SYT9: variants seen among roughly 807,000 people sequenced by gnomAD.
The protein encoded by SYT9 is synaptotagmin 9, also known as synaptotagmin-9.
SYT9 carries 22 observed loss-of-function variants against 48.4 expected under a neutral mutation model. The observed-to-expected ratio is 0.45, with a 90% CI of 0.32 to 0.65. SYT9 has a LOEUF of 0.65. SYT9 is among the 30% of genes least tolerant of loss of function. SYT9 has a pLI of 0.03. For missense variants in SYT9, 577 were observed against 622.0 expected (o/e 0.93, Z 0.77); for synonymous variants, 265 against 245.0 (o/e 1.08, Z -0.76).
intron 3 of SYT9, among the ~76,000 whole-genome samples, chr11:7,408,705 A>G (rs1026627023): frequency 6.6e-6 from 1 of 152,230 alleles, no homozygotes; most frequent in Non-Finnish European, 1.5e-5. Flanking sequence ...TACTAAATTT[A>G]TCAAATCTAA....
At chr11:7,451,968 AG>A (rs1848060890) in intron 6 of SYT9, among the ~76,000 whole-genome samples, 1 of 152,204 alleles carries the variant, frequency 6.6e-6, no homozygotes. Flanking sequence ...CCAACTCTAG[AG>A]AAAGAGATAG....
intron 3 of SYT9, among the ~76,000 whole-genome samples, chr11:7,383,431 G>A (rs1482878709): frequency 6.6e-6 from 1 of 152,178 alleles, no homozygotes; most frequent in African/African-American, 2.4e-5. Context: ...ACCCCAGGAA[G>A]CTGGGCTACT....
chr11:7,416,381 G>T (rs367999818), intron 4 of SYT9, among the ~76,000 whole-genome samples: 5 of 152,082 alleles, frequency 3.3e-5, no homozygotes, highest in Non-Finnish European at 5.9e-5. Flanking sequence ...CTGGCTCACC[G>T]GGCTGTTGTA....
At chr11:7,440,134 C>T (rs1190154792) in intron 6 of SYT9, 1 of 152,256 alleles carries the variant, frequency 6.6e-6, no homozygotes, top group Admixed American at 6.5e-5. Context: ...CACCAGAACA[C>T]GTATGGACTT....
intron 3 of SYT9, among the ~76,000 whole-genome samples, chr11:7,412,968 G>A (rs1847167214): frequency 6.6e-6 from 1 of 152,202 alleles, no homozygotes; most frequent in South Asian, 2.1e-4. Context: ...CTCAAGTACT[G>A]AGAAGACAGG....
chr11:7,313,403 C>A lies in SYT9; in HGVS notation c.506C>A (p.Ser169Ter). ...TEPTSSARHNSIRRQLNLSNP... is the reference protein window; with the variant it reads ...TEPTSSARHN ...GTTGCTCTTCATTCAAGGCATAATT[C>A]AATCCGAAGACAACTCAACTTGTCA... The change falls in exon 3 of 7, where the codon TCA becomes TAA. Residue 169 changes from serine to a stop codon, truncating the protein, a stop_gained. Coordinates refer to ENST00000318881, the MANE Select transcript of SYT9 (RefSeq NM_175733.4). LOFTEE classifies it high-confidence loss of function. 1.2e-6 allele frequency: 2 copies of A among 1,608,770 alleles called. No homozygotes were observed. Among genetic ancestry groups the A allele is most frequent in the South Asian group, 1.1e-5 (1 of 89,770 alleles).
intron 6 of SYT9, among the ~76,000 whole-genome samples, chr11:7,453,072 G>A (rs1260990172): frequency 1.3e-5 from 2 of 150,824 alleles, no homozygotes; most frequent in African/African-American, 2.4e-5. Flanking sequence ...GTGAGCCACC[G>A]CGCCCGGCCC....
intron 6 of SYT9, among the ~76,000 whole-genome samples, chr11:7,443,104 G>C (rs11041383): frequency 0.086 from 13,030 of 152,250 alleles, 785 homozygotes; most frequent in African/African-American, 0.18. Flanking sequence ...TGGAAGTCTA[G>C]ATTTGCTCAT....
intron 6 of SYT9, among the ~76,000 whole-genome samples, chr11:7,452,118 AACAC>A (rs142000557): frequency 2.2e-4 from 32 of 147,634 alleles, no homozygotes; most frequent in Non-Finnish European, 3.0e-4. Context: ...TTATATTTAA[AACAC>A]ACACACACAC....
chr11:7,318,688 A>G (rs1849283647), intron 3 of SYT9, among the ~76,000 whole-genome samples: 2 of 152,170 alleles, frequency 1.3e-5, no homozygotes, highest in African/African-American at 2.4e-5. Context: ...AAGCCTTTTT[A>G]TCACACGTAA....
intron 1 of SYT9, among the ~76,000 whole-genome samples, chr11:7,271,282 A>G (rs1372713358): frequency 6.6e-6 from 1 of 152,152 alleles, no homozygotes; most frequent in Non-Finnish European, 1.5e-5. Flanking sequence ...ATCTGCTACA[A>G]ACTCTGCACT....
chr11:7,380,303 G>T (rs990866388), intron 3 of SYT9, among the ~76,000 whole-genome samples: 1 of 152,042 alleles, frequency 6.6e-6, no homozygotes, highest in African/African-American at 2.4e-5. Context: ...GTGAGGGGCT[G>T]GGGGAGTGTG....
At chr11:7,293,523 G>C (rs1848731091) in intron 1 of SYT9, among the ~76,000 whole-genome samples, 1 of 152,182 alleles carries the variant, frequency 6.6e-6, no homozygotes, top group Non-Finnish European at 1.5e-5. Context: ...CTAAGTTTTA[G>C]CCTTCAGTTA....
At chr11:7,310,681 C>T (rs549681499) in intron 2 of SYT9, among the ~76,000 whole-genome samples, 6 of 151,298 alleles carry the variant, frequency 4.0e-5, no homozygotes, top group Admixed American at 1.3e-4. Flanking sequence ...CTCCTGACCT[C>T]GTGATCCGCC....
chr11:7,351,130 C>T (rs1490148436), intron 3 of SYT9, among the ~76,000 whole-genome samples: 3 of 152,038 alleles, frequency 2.0e-5, no homozygotes, highest in African/African-American at 7.3e-5. Context: ...TTTTTAACCT[C>T]CTTGAAAAAG....
At position 7,256,332 on chromosome 11, in the gene SYT9, G is replaced by A. The variant is rs11602785; in HGVS notation, c.145+4001G>A. Among the ~76,000 whole-genome samples, 955 of 152,270 alleles carry A rather than the reference G, an allele frequency of 6.3e-3. 3 individuals are homozygous for A. The highest frequency in any genetic ancestry group is 6.9e-3 in the Non-Finnish European group (470 of 68,018). Reference sequence around the variant, plus strand: ...CTGCTGGGAGCTTGTTAGAATTGGAGATCTCAGTTATGTCCCAGACCCACT... The same window carrying A: ...CTGCTGGGAGCTTGTTAGAATTGGAAATCTCAGTTATGTCCCAGACCCACT... On this transcript the variant is annotated intron_variant, in intron 1 of 6. Coordinates refer to ENST00000318881, the MANE Select transcript of SYT9 (RefSeq NM_175733.4).
At chr11:7,343,834 G>A (rs1849753540) in intron 3 of SYT9, among the ~76,000 whole-genome samples, 1 of 152,192 alleles carries the variant, frequency 6.6e-6, no homozygotes, top group Admixed American at 6.5e-5. Flanking sequence ...TGGCTGGGGA[G>A]GCCTCACAAT....
chr11:7,325,224 T>C (rs1045196632), intron 3 of SYT9, among the ~76,000 whole-genome samples: 24 of 104,642 alleles, frequency 2.3e-4, no homozygotes, highest in Non-Finnish European at 4.5e-4. Context: ...TTTCACGATA[T>C]TGATTCTTCC....
At chr11:7,308,320 T>G (rs971362076) in intron 2 of SYT9, among the ~76,000 whole-genome samples, 16 of 152,266 alleles carry the variant, frequency 1.1e-4, no homozygotes, top group Admixed American at 2.0e-4. Context: ...AAAGGACAGG[T>G]CAGGTTTCAC....
Sources: allele counts gnomAD v4.1 joint callset (sites outside exome capture counted in the v4.1 genomes callset), GRCh38; gene constraint gnomAD v4.1.1; transcripts MANE v1.5; gene names NCBI Gene and HGNC (gene_info 2026-07-23, HGNC 2026-07-21).